THEMIS2: variants seen among roughly 807,000 people sequenced by gnomAD.
THEMIS2 encodes thymocyte selection associated family member 2.
A neutral mutation model predicts 46.8 loss-of-function variants in THEMIS2; 29 were observed. The ratio of observed to expected loss-of-function variants is 0.62; its 90% CI spans 0.46 to 0.84. The LOEUF (loss-of-function observed/expected upper bound fraction) is 0.84, where lower values mean the gene tolerates loss of function less well. THEMIS2 is among the 40% of genes least tolerant of loss of function. The probability of loss-of-function intolerance (pLI) is 0.00; values close to 1 mark genes in which losing one functional copy is unlikely to be tolerated. For synonymous variants in THEMIS2, 335 were observed against 349.1 expected, an observed-to-expected ratio of 0.96 and a Z score of 0.45; for missense variants, 698 against 834.7, an observed-to-expected ratio of 0.84 and a Z score of 2.02.
In THEMIS2 at chr1:27,881,098, A is replaced by T. The variant is rs183193643; in HGVS notation, c.647-873A>T. ...CACAGCCTAAAAATAATAATTTTAA[A>T]ATTTATTTTTCTTTTTTCTTAATAC... On this transcript the variant is annotated intron_variant, in intron 3 of 5. Transcript: ENST00000373921. Among the ~76,000 whole-genome samples, 30 of 152,132 alleles carry T rather than the reference A, an allele frequency of 2.0e-4. No homozygotes were observed. The East Asian group carries it at 5.6e-3, about 29-fold the overall frequency.
intron 1 of THEMIS2, among the ~76,000 whole-genome samples, chr1:27,874,870 A>T (rs961099479): frequency 3.3e-5 from 5 of 151,732 alleles, no homozygotes; most frequent in Non-Finnish European, 7.4e-5. Context: ...AAGTGTTGGG[A>T]TTACAAGCGT....
intron 5 of THEMIS2, 54 bp from the exon 6 acceptor site, chr1:27,885,813 G>A (rs1393543376): frequency 1.9e-6 from 3 of 1,579,088 alleles, no homozygotes; most frequent in Non-Finnish European, 8.7e-7. Context: ...CCCTACAGAA[G>A]GGAAGGAACT....
Position 27,872,612 on chromosome 1 carries a change from A to G in THEMIS2, c.41A>G (p.Asp14Gly), listed in dbSNP as rs923351161. 5.4e-6 allele frequency: 8 copies of G among 1,477,908 alleles called. No homozygotes were observed. The highest frequency in any genetic ancestry group is 7.2e-6 in the Non-Finnish European group (8 of 1,115,694). 91.5% of individuals were successfully genotyped at this position (1,477,908 alleles called of 1,614,324 possible). ...CTGCAGGACTTCGTGCGCGCCTTGG[A>G]CCCCGCCTCCCTCCCGCGCGTGCTG... ...VPLQDFVRAL[D>G]PASLPRVLRV... Residue 14 changes from aspartate (D) to glycine (G), a missense_variant, in exon 1 of 6, where the codon GAC (aspartate) becomes GGC (glycine). Physicochemically the swap from Asp to Gly is moderately conservative, Grantham distance 94. Coordinates refer to ENST00000373921, the MANE Select transcript of THEMIS2 (RefSeq NM_001105556.3). The surrounding 1 kb of genome is among the most constrained non-coding windows in gnomAD (Gnocchi z 4.9).
chr1:27,878,438 G>A (rs1273346974), intron 2 of THEMIS2, among the ~76,000 whole-genome samples: 7 of 238 alleles, frequency 0.029, no homozygotes, highest in Admixed American at 0.026. Context: ...TCCTGCCTCG[G>A]CCTCCCAAAG....
intron 1 of THEMIS2, among the ~76,000 whole-genome samples, chr1:27,874,554 GGAGGAT>G (rs1320243020): frequency 3.3e-5 from 5 of 152,110 alleles, no homozygotes; most frequent in Non-Finnish European, 7.4e-5. Context: ...GGCTGAGGCA[GGAGGAT>G]CACTTGAACT....
intron 1 of THEMIS2, among the ~76,000 whole-genome samples, chr1:27,873,069 C>T (rs1295572936): frequency 6.6e-6 from 1 of 152,112 alleles, no homozygotes; most frequent in African/African-American, 2.4e-5. Flanking sequence ...CCCACTCCTC[C>T]CCCGGCCCTC....
chr1:27,877,804 G>C (rs895049840), intron 2 of THEMIS2, among the ~76,000 whole-genome samples: 1 of 152,138 alleles, frequency 6.6e-6, no homozygotes, highest in South Asian at 2.1e-4. Flanking sequence ...GATTAGGCTT[G>C]ATATGAGGAT....
At chr1:27,881,749 A>G (rs1302497972) in intron 3 of THEMIS2, among the ~76,000 whole-genome samples, 3 of 151,932 alleles carry the variant, frequency 2.0e-5, no homozygotes, top group Non-Finnish European at 4.4e-5. Flanking sequence ...AACTGCTTGA[A>G]TCTGGGAGGT....
In THEMIS2 at chr1:27,872,581, G is replaced by T; in HGVS notation, c.10G>T (p.Val4Leu). 2.7e-6 allele frequency: 4 copies of T among 1,489,212 alleles called. No individual in the cohort carries two copies. Among genetic ancestry groups the T allele is most frequent in the Non-Finnish European group, 3.6e-6 (4 of 1,121,912 alleles). 92.2% of individuals were successfully genotyped at this position (1,489,212 alleles called of 1,614,324 possible). ...GAGAGCCGCGGGGACCATGGAGCCG[G>T]TGCCGCTGCAGGACTTCGTGCGCGC... MEP[V>L]PLQDFVRALD... The change falls in exon 1 of 6, where the codon GTG becomes TTG. Residue 4 changes from valine (V) to leucine (L), a missense_variant. Physicochemically the swap from Val to Leu is conservative, Grantham distance 32. Transcript: ENST00000373921. This position sits in a 1 kb window ranked among gnomAD's most constrained non-coding sequence, Gnocchi z 4.9.
chr1:27,880,098 A>G (rs780530634), intron 3 of THEMIS2, 44 bp downstream of exon 3: 4 of 1,535,902 alleles, frequency 2.6e-6, no homozygotes, highest in Non-Finnish European at 3.5e-6. Flanking sequence ...GGGGGAGAGA[A>G]AGAGGGTTGC....
Position 27,883,038 on chromosome 1 carries a change from G to C in THEMIS2, c.1714G>C (p.Val572Leu). The change falls in exon 4 of 6, where the codon GTC becomes CTC. Residue 572 changes from valine (V) to leucine (L), a missense_variant. Coordinates refer to ENST00000373921, the MANE Select transcript of THEMIS2 (RefSeq NM_001105556.3). The part of the protein sequence containing the change: ...KQRRHSSEGG[V>L]KSSQVLGLQQ... ...GAGGAGACACAGCAGTGAGGGAGGCGTCAAGGTACTAGTATAATCCCAGAG... is the reference window on the plus strand; with the variant it reads ...GAGGAGACACAGCAGTGAGGGAGGCCTCAAGGTACTAGTATAATCCCAGAG... The C allele has an allele frequency of 6.2e-7, 1 of 1,612,320 alleles. No homozygotes were observed. Among genetic ancestry groups the C allele is most frequent in the Non-Finnish European group, 8.5e-7 (1 of 1,179,238 alleles).
At chr1:27,884,997 T>C (rs1290066858) in intron 4 of THEMIS2, 1 of 258,020 alleles carries the variant, frequency 3.9e-6, no homozygotes, top group African/African-American at 2.3e-5. Flanking sequence ...TTTGCTTTTT[T>C]CCCCTTCAGC....
In THEMIS2 at chr1:27,874,039, T is replaced by TTTTTTTGTTG. The variant is rs1553123150; in HGVS notation, c.94+1380_94+1381insGTTGTTTTTT. On this transcript the variant is annotated intron_variant, in intron 1 of 5. Transcript: ENST00000373921. ...CACCCTGGGTTCAACCTAGGTTTTTTTTTTTTTTTTTGAGACAGAGTCTGG... is the reference window on the plus strand; with the variant it reads ...CACCCTGGGTTCAACCTAGGTTTTTTTTTTTTGTTGTTTTTTTTTTTGAGACAGAGTCTGG... 1.5e-5 allele frequency among the ~76,000 whole-genome samples: 2 copies of TTTTTTTGTTG among 134,816 alleles called. 1 individual carries two copies. Among genetic ancestry groups the TTTTTTTGTTG allele is most frequent in the African/African-American group, 6.1e-5 (2 of 32,640 alleles). The allele number at this position is 134,816 out of a possible 152,430, so 88.4% of individuals were successfully genotyped here. A position where few individuals can be genotyped will look rare whatever the true frequency, so the allele number is the denominator to read the frequency against.
chr1:27,872,758 C>G lies in THEMIS2; in HGVS notation c.94+93C>G. ...ACGTTAGCAATCCGGGGAAACTGCC[C>G]CTGGGTTCAAATCCCGACACTGCCA... On this transcript the variant is annotated intron_variant, in intron 1 of 5. Coordinates refer to ENST00000373921, the MANE Select transcript of THEMIS2 (RefSeq NM_001105556.3). This position sits in a 1 kb window ranked among gnomAD's most constrained non-coding sequence, Gnocchi z 4.9. 1 of 1,071,742 alleles carries G rather than the reference C, an allele frequency of 9.3e-7. No homozygotes were observed. The highest frequency in any genetic ancestry group is 1.2e-6 in the Non-Finnish European group (1 of 831,414). The allele number at this position is 1,071,742 out of a possible 1,614,324, so 66.4% of individuals were successfully genotyped here.
chr1:27,879,102 C>A (rs111604479), intron 2 of THEMIS2, among the ~76,000 whole-genome samples: 1 of 147,052 alleles, frequency 6.8e-6, no homozygotes, highest in Non-Finnish European at 1.5e-5. Flanking sequence ...CAGCTGCTGG[C>A]GGAATGGGTG....
chr1:27,877,435 A>C (rs12139177), intron 2 of THEMIS2, among the ~76,000 whole-genome samples: 20,394 of 151,812 alleles, frequency 0.13, 1,645 homozygotes, highest in African/African-American at 0.23. Flanking sequence ...CCACCATTCT[A>C]CTGCCTCAGC....
In THEMIS2 at chr1:27,885,998, A is replaced by G; in HGVS notation, c.*76A>G. The G allele has an allele frequency of 1.4e-6, 2 of 1,452,962 alleles. No individual in the cohort carries two copies. The highest frequency in any genetic ancestry group is 1.1e-5 in the South Asian group (1 of 87,032). 90.0% of individuals were successfully genotyped at this position (1,452,962 alleles called of 1,614,324 possible). ...CCAGCCAACCATTTTAAGCCTCTAAAAGACCTCGGGCAAGTCTCACAGAAA... is the reference window on the plus strand; with the variant it reads ...CCAGCCAACCATTTTAAGCCTCTAAGAGACCTCGGGCAAGTCTCACAGAAA... On this transcript the variant is annotated 3_prime_UTR_variant, in exon 6 of 6. Transcript: ENST00000373921.
Position 27,882,693 on chromosome 1 carries a change from G to A in THEMIS2, c.1369G>A (p.Val457Met). The change falls in exon 4 of 6, where the codon GTG becomes ATG. Residue 457 changes from valine to methionine, a missense_variant. By Grantham distance (21) the Val-to-Met change is conservative (BLOSUM62 1). Transcript: ENST00000373921. This position sits in a 1 kb window ranked among gnomAD's most constrained non-coding sequence, Gnocchi z 7.6. ...AQFSLPCEVK[V>M]VAKDTSHPTD... ...GTTTTCACTGCCTTGTGAGGTCAAG[G>A]TGGTGGCCAAGGACACCAGCCACCC... 2 of 1,614,070 alleles carry A rather than the reference G, an allele frequency of 1.2e-6. No individual in the cohort carries two copies. Among genetic ancestry groups the A allele is most frequent in the Non-Finnish European group, 1.7e-6 (2 of 1,180,018 alleles).
chr1:27,875,620 G>C (rs931572312), intron 1 of THEMIS2, among the ~76,000 whole-genome samples: 2 of 152,150 alleles, frequency 1.3e-5, no homozygotes, highest in African/African-American at 4.8e-5. Flanking sequence ...CTGTGCACTC[G>C]TGTGTGCGTG....
Sources: gnomAD v4.1 joint callset for allele counts (sites outside exome capture counted in the v4.1 genomes callset) on GRCh38, gnomAD v4.1.1 for gene constraint, Gnocchi (gnomAD v3.1) non-coding constraint, MANE v1.5 for transcripts, NCBI Gene and HGNC (gene_info 2026-07-23, HGNC 2026-07-21) for gene names.